Variants in MIER2 observed in about 807,000 individuals in gnomAD.
MIER2 encodes the protein mesoderm induction early response protein 2.
MIER2 carries 30 observed loss-of-function variants against 67.6 expected under a neutral mutation model. The ratio of observed to expected loss-of-function variants is 0.44; its 90% CI spans 0.33 to 0.60. The LOEUF (loss-of-function observed/expected upper bound fraction) is 0.60. Among genes scored for constraint, MIER2 ranks in the 20% least tolerant of loss-of-function variants. The pLI is 0.02. For missense variants in MIER2, 702 were observed against 745.1 expected, an observed-to-expected ratio of 0.94 and a Z score of 0.67; for synonymous variants, 372 against 312.6, an observed-to-expected ratio of 1.19 and a Z score of -2.00.
intron 7 of MIER2, among the ~76,000 whole-genome samples, chr19:323,059 G>C (rs1483719128): frequency 6.6e-6 from 1 of 150,660 alleles, no homozygotes; most frequent in East Asian, 2.0e-4. Flanking sequence ...TCAAATGACA[G>C]ACGTCATCAC....
intron 3 of MIER2, among the ~76,000 whole-genome samples, chr19:330,835 C>A (rs985749376): frequency 1.3e-5 from 2 of 152,162 alleles, no homozygotes; most frequent in African/African-American, 2.4e-5. Context: ...TGATCATGGA[C>A]CTTTCTGCCT....
At chr19:325,794 G>A (rs1193313761) in intron 6 of MIER2, 90 bp from the exon 7 acceptor site, 27 of 1,425,468 alleles carry the variant, frequency 1.9e-5, no homozygotes, top group Non-Finnish European at 9.9e-7. Context: ...AGGCTTACGG[G>A]GAGGGGCCAC....
chr19:327,113 A>G lies in MIER2; in HGVS notation c.493+20T>C, dbSNP rs980630851. 1 of 1,572,386 alleles carries G rather than the reference A, an allele frequency of 6.4e-7. No homozygotes were observed. Reference sequence around the variant, plus strand: ...GCAGGGGGCCTGGCTGCGGTGGAGTATGGGGACAGAGTCACCTACATCCAC... The same window carrying G: ...GCAGGGGGCCTGGCTGCGGTGGAGTGTGGGGACAGAGTCACCTACATCCAC... On this transcript the variant is annotated intron_variant, in intron 5 of 13. Coordinates refer to ENST00000264819, the MANE Select transcript of MIER2 (RefSeq NM_017550.3).
chr19:307,429 C>T lies in MIER2; in HGVS notation c.1306G>A (p.Glu436Lys). ...PGPCSFQQLDESPAVPLSHRP... is the reference protein window; with the variant it reads ...PGPCSFQQLDKSPAVPLSHRP... Reference sequence around the variant, plus strand: ...TGGGACAGGGGTACAGCGGGGGACTCATCCAGCTGCTGGAAGGAACACGGC... The same window carrying T: ...TGGGACAGGGGTACAGCGGGGGACTTATCCAGCTGCTGGAAGGAACACGGC... The change falls in exon 13 of 14, where the codon GAG becomes AAG. Residue 436 changes from glutamate (E) to lysine (K), a missense_variant. Glu to Lys is a moderately conservative substitution (Grantham distance 56). This residue lies in a region of MIER2 where 254 missense variants were observed against 262.8 expected (regional missense o/e 0.97). Transcript: ENST00000264819. 1 of 1,595,392 alleles carries T rather than the reference C, an allele frequency of 6.3e-7. No individual in the cohort carries two copies. The highest frequency in any genetic ancestry group is 8.5e-7 in the Non-Finnish European group (1 of 1,171,298).
intron 7 of MIER2, among the ~76,000 whole-genome samples, chr19:324,153 A>T (rs894354047): frequency 1.4e-5 from 2 of 141,176 alleles, no homozygotes; most frequent in African/African-American, 5.7e-5. Flanking sequence ...CGAATGACAC[A>T]GGCGTCATCA....
chr19:317,864 G>A (rs866760202), intron 7 of MIER2, among the ~76,000 whole-genome samples: 17 of 152,024 alleles, frequency 1.1e-4, no homozygotes, highest in Middle Eastern at 3.2e-3. Flanking sequence ...AAATGTACAT[G>A]GACTAAAAAG....
At chr19:309,305 C>G (rs1600108528) in intron 10 of MIER2, among the ~76,000 whole-genome samples, 1 of 152,232 alleles carries the variant, frequency 6.6e-6, no homozygotes, top group East Asian at 1.9e-4. Context: ...CATCTGCCTG[C>G]TTCTCACAGG....
At chr19:317,670 C>T (rs541557264) in intron 7 of MIER2, among the ~76,000 whole-genome samples, 1 of 149,168 alleles carries the variant, frequency 6.7e-6, no homozygotes, top group South Asian at 2.1e-4. Flanking sequence ...GTGGAGGTTG[C>T]CGTGAAGTAA....
intron 8 of MIER2, among the ~76,000 whole-genome samples, chr19:312,602 A>G (rs867658290): frequency 1.9e-3 from 136 of 72,664 alleles, no homozygotes; most frequent in South Asian, 3.1e-3. Flanking sequence ...GCGATGTCAG[A>G]GCCACCTACA....
chr19:343,010 G>A (rs1036572767), intron 1 of MIER2, among the ~76,000 whole-genome samples: 2 of 152,124 alleles, frequency 1.3e-5, no homozygotes, highest in African/African-American at 4.8e-5. Context: ...TCTCTGACCA[G>A]ACTCTGCATC....
Position 307,237 on chromosome 19 carries a change from C to T in MIER2, c.1498G>A (p.Ala500Thr), listed in dbSNP as rs781315507. The T allele has an allele frequency of 1.9e-6, 3 of 1,593,686 alleles. No individual in the cohort carries two copies. The South Asian group carries it at 3.4e-5, about 18-fold the overall frequency. The change falls in exon 13 of 14, where the codon GCA becomes ACA. Residue 500 changes from alanine (A) to threonine (T), a missense_variant. Ala to Thr is a moderately conservative substitution (Grantham distance 58, BLOSUM62 0). This residue lies in a region of MIER2 where 254 missense variants were observed against 262.8 expected (regional missense o/e 0.97). Transcript: ENST00000264819. Reference sequence around the variant, plus strand: ...TCGGTGACCGACAAAGCCACCTGTGCTGGGGCCACAGTCTCCTCCGGATCC... The same window carrying T: ...TCGGTGACCGACAAAGCCACCTGTGTTGGGGCCACAGTCTCCTCCGGATCC... ...SGDPEETVAP[A>T]QVALSVTEFG...
At chr19:343,082 G>A (rs878980282) in intron 1 of MIER2, among the ~76,000 whole-genome samples, 2 of 152,130 alleles carry the variant, frequency 1.3e-5, no homozygotes, top group Admixed American at 6.5e-5. Flanking sequence ...GGACAGAGCG[G>A]GACCTCCTTA....
intron 7 of MIER2, among the ~76,000 whole-genome samples, chr19:325,287 C>A (rs1035382131): frequency 6.6e-6 from 1 of 152,228 alleles, no homozygotes; most frequent in Non-Finnish European, 1.5e-5. Flanking sequence ...TCTGGAGAAC[C>A]ATCTAACCCG....
At chr19:310,639 A>ACG (rs1344268335) in intron 10 of MIER2, among the ~76,000 whole-genome samples, 84 of 126,184 alleles carry the variant, frequency 6.7e-4, no homozygotes, top group African/African-American at 1.4e-3. Flanking sequence ...CTATAGAAAC[A>ACG]GCCCAGAGTC....
At chr19:323,553 C>A (rs1971594288) in intron 7 of MIER2, among the ~76,000 whole-genome samples, 1 of 147,962 alleles carries the variant, frequency 6.8e-6, no homozygotes, top group Non-Finnish European at 1.5e-5. Context: ...AATACACACA[C>A]AACCATGCAG....
intron 7 of MIER2, among the ~76,000 whole-genome samples, chr19:322,335 AAC>A (rs923033326): frequency 6.6e-6 from 1 of 152,148 alleles, no homozygotes; most frequent in Non-Finnish European, 1.5e-5. Flanking sequence ...CCTTAAGTAG[AAC>A]ACACACACAC....
intron 7 of MIER2, among the ~76,000 whole-genome samples, chr19:315,508 G>A (rs1162234898): frequency 6.6e-6 from 1 of 152,246 alleles, no homozygotes; most frequent in African/African-American, 2.4e-5. Flanking sequence ...AGTCTCAGCA[G>A]AGACTTGAAA....
At chr19:316,850 T>G (rs1397304985) in intron 7 of MIER2, among the ~76,000 whole-genome samples, 1 of 151,870 alleles carries the variant, frequency 6.6e-6, no homozygotes, top group Middle Eastern at 3.2e-3. Flanking sequence ...GTGCCTGTAG[T>G]CCCACCTACT....
chr19:312,473 C>T (rs1249601479), intron 8 of MIER2, among the ~76,000 whole-genome samples: 1 of 54,678 alleles, frequency 1.8e-5, no homozygotes, highest in Non-Finnish European at 3.7e-5. Flanking sequence ...GGGCCACCTA[C>T]ACCTCTATCC....
Sources: allele counts gnomAD v4.1 joint callset (sites outside exome capture counted in the v4.1 genomes callset), GRCh38; gene constraint gnomAD v4.1.1; regional missense constraint gnomAD v4.1.1; transcripts MANE v1.5; gene names NCBI Gene and HGNC (gene_info 2026-07-23, HGNC 2026-07-21).